The following ASCC3 variants were observed in gnomAD, a reference collection of about 807,000 sequenced individuals.
ASCC3 encodes ASC-1 complex subunit P200.
A neutral mutation model predicts 256.3 loss-of-function variants in ASCC3; 158 were observed. The ratio of observed to expected loss-of-function variants is 0.62; its 90% CI spans 0.54 to 0.70. ASCC3 has a LOEUF of 0.70. Among genes scored for constraint, ASCC3 ranks in the 30% least tolerant of loss-of-function variants. The pLI is 0.00. For synonymous variants in ASCC3, 948 were observed against 883.4 expected, an observed-to-expected ratio of 1.07 and a Z score of -1.30; for missense variants, 2,259 against 2,626.0, an observed-to-expected ratio of 0.86 and a Z score of 3.05.
At chr6:100,709,101 A>T (rs2115011164) in intron 13 of ASCC3, among the ~76,000 whole-genome samples, 1 of 152,208 alleles carries the variant, frequency 6.6e-6, no homozygotes, top group East Asian at 1.9e-4. Flanking sequence ...GAAATGGCCT[A>T]TGTTTATAAA....
intron 13 of ASCC3, among the ~76,000 whole-genome samples, chr6:100,690,830 G>C (rs1033221431): frequency 1.4e-4 from 22 of 152,082 alleles, no homozygotes; most frequent in African/African-American, 5.3e-4. Context: ...TTCAGAGCCA[G>C]CTCAGGACTC....
chr6:100,661,525 T>C (rs527857790), intron 16 of ASCC3, among the ~76,000 whole-genome samples: 73 of 151,940 alleles, frequency 4.8e-4, no homozygotes, highest in Admixed American at 5.3e-4. Context: ...TTGCTATTTC[T>C]GTTTCCATAT....
intron 10 of ASCC3, among the ~76,000 whole-genome samples, chr6:100,738,897 T>C (rs775753901): frequency 6.6e-6 from 1 of 152,200 alleles, no homozygotes; most frequent in Non-Finnish European, 1.5e-5. Context: ...CAAAGATAAT[T>C]TCACTTCTTC....
intron 23 of ASCC3, among the ~76,000 whole-genome samples, chr6:100,643,697 T>C (rs959953244): frequency 1.3e-5 from 2 of 152,180 alleles, no homozygotes; most frequent in Non-Finnish European, 2.9e-5. Flanking sequence ...CTTACCTATC[T>C]ACACATATTT....
chr6:100,869,721 T>C lies in ASCC3; in HGVS notation c.-41-1683A>G, dbSNP rs57387065. Among the ~76,000 whole-genome samples the C allele has an allele frequency of 4.3e-3, 653 of 152,178 alleles. 4 individuals are homozygous for C. The highest frequency in any genetic ancestry group is 0.015 in the African/African-American group (618 of 41,522). On this transcript the variant is annotated intron_variant, in intron 1 of 41. Transcript: ENST00000369162. ...CAAATTAAACTTACCTCTCAAAAGA[T>C]TGACAGGATGAACTGCAAAATAACA...
At chr6:100,624,299 A>G (rs1029005859) in intron 30 of ASCC3, among the ~76,000 whole-genome samples, 9 of 151,710 alleles carry the variant, frequency 5.9e-5, no homozygotes, top group Non-Finnish European at 1.3e-4. Context: ...ACACAAATCT[A>G]CAAAATAAAT....
intron 4 of ASCC3, among the ~76,000 whole-genome samples, chr6:100,821,500 C>A (rs1771040403): frequency 6.6e-6 from 1 of 151,742 alleles, no homozygotes; most frequent in Admixed American, 6.6e-5. Context: ...GATATATGAA[C>A]AAAATGGAAT....
intron 13 of ASCC3, among the ~76,000 whole-genome samples, chr6:100,686,690 A>C (rs1777581835): frequency 6.6e-6 from 1 of 152,162 alleles, no homozygotes; most frequent in Non-Finnish European, 1.5e-5. Flanking sequence ...TACAGAGTGT[A>C]TACAGAGTAT....
chr6:100,661,314 A>T (rs1354837777), intron 16 of ASCC3, among the ~76,000 whole-genome samples: 1 of 86,048 alleles, frequency 1.2e-5, no homozygotes, highest in East Asian at 2.9e-4. Flanking sequence ...GTAAATCTTA[A>T]CACAAAAGTC....
intron 34 of ASCC3, among the ~76,000 whole-genome samples, chr6:100,598,716 G>GA (rs1442608328): frequency 1.3e-5 from 2 of 151,926 alleles, no homozygotes; most frequent in Non-Finnish European, 2.9e-5. Context: ...TCTTATGGTT[G>GA]AAAAAAATGT....
At chr6:100,831,803 A>G (rs1171018882) in intron 4 of ASCC3, among the ~76,000 whole-genome samples, 2 of 152,174 alleles carry the variant, frequency 1.3e-5, no homozygotes, top group Non-Finnish European at 2.9e-5. Flanking sequence ...ACAATATGAC[A>G]AAGACTTTGA....
intron 8 of ASCC3, among the ~76,000 whole-genome samples, chr6:100,793,077 A>C (rs1769430487): frequency 6.6e-6 from 1 of 152,016 alleles, no homozygotes. Flanking sequence ...AAAGCCTGGC[A>C]ACATAGTCAC....
intron 10 of ASCC3, among the ~76,000 whole-genome samples, chr6:100,756,461 T>C (rs1200490522): frequency 6.6e-6 from 1 of 152,132 alleles, no homozygotes; most frequent in East Asian, 1.9e-4. Flanking sequence ...TAATCACTAT[T>C]CTGTGATTAT....
chr6:100,590,859 T>TA (rs1324890981), intron 34 of ASCC3, among the ~76,000 whole-genome samples: 10 of 151,990 alleles, frequency 6.6e-5, no homozygotes, highest in Admixed American at 2.0e-4. Context: ...CAGTAAATTA[T>TA]AAAAAAATTA....
intron 36 of ASCC3, among the ~76,000 whole-genome samples, chr6:100,575,877 T>C (rs1413853360): frequency 1.3e-5 from 2 of 152,078 alleles, no homozygotes. Flanking sequence ...TAAAATAGAC[T>C]ACCTTCTAAA....
chr6:100,817,613 TA>T (rs35771171), intron 4 of ASCC3, among the ~76,000 whole-genome samples: 80,584 of 151,384 alleles, frequency 0.53, 21,585 homozygotes, highest in East Asian at 0.72. Flanking sequence ...TTGAAAGAAG[TA>T]AAAAAAGATT....
chr6:100,838,316 A>G (rs1366707593), intron 4 of ASCC3, among the ~76,000 whole-genome samples: 1 of 152,072 alleles, frequency 6.6e-6, no homozygotes, highest in African/African-American at 2.4e-5. Context: ...GACAGTTCAT[A>G]TGGATCTGAA....
chr6:100,531,122 C>G, intron 37 of ASCC3: 1 of 940,126 alleles, frequency 1.1e-6, no homozygotes, highest in East Asian at 2.4e-5. Flanking sequence ...ACAATTTCTG[C>G]TGGCTGGACT....
At chr6:100,795,206 A>C (rs1018771336) in intron 8 of ASCC3, among the ~76,000 whole-genome samples, 3 of 151,460 alleles carry the variant, frequency 2.0e-5, no homozygotes, top group African/African-American at 4.8e-5. Flanking sequence ...GAAAAAAAAA[A>C]CCCATTGCTT....
Sources: allele counts gnomAD v4.1 joint callset (sites outside exome capture counted in the v4.1 genomes callset), GRCh38; gene constraint gnomAD v4.1.1; transcripts MANE v1.5; gene names NCBI Gene and HGNC (gene_info 2026-07-23, HGNC 2026-07-21).